Variants in ZBTB38 observed in about 807,000 individuals in gnomAD.
ZBTB38 encodes zinc finger and BTB domain-containing protein 38.
In ZBTB38, 20 loss-of-function variants were observed where a neutral mutation model predicts 76.8. The observed-to-expected ratio is 0.26, with a 90% CI of 0.18 to 0.38. The LOEUF is 0.38. ZBTB38 is among the 10% of genes least tolerant of loss of function. The pLI, the probability that ZBTB38 is intolerant of heterozygous loss-of-function variation, is 1.00. For synonymous variants in ZBTB38, 504 were observed against 544.2 expected (o/e 0.93, Z 1.03); for missense variants, 1,082 against 1,482.3 (o/e 0.73, Z 4.43).
At chr3:141,359,405 C>A (rs923089414) in intron 1 of ZBTB38, among the ~76,000 whole-genome samples, 1 of 152,182 alleles carries the variant, frequency 6.6e-6, no homozygotes, top group African/African-American at 2.4e-5. Context: ...GCGAGGTAGG[C>A]TGAGCATGTG....
Position 141,403,981 on chromosome 3 carries a change from T to A in ZBTB38, c.-51T>A, listed in dbSNP as rs1297904430. On this transcript the variant is annotated 5_prime_UTR_variant, in exon 5 of 6. Transcript: ENST00000321464. The stretch of plus-strand genomic sequence containing the variant: ...GAACCAAGGATTTCCAAGTGATTTC[T>A]TCCAAAGCACAGGAATCTCACTCTG... 1 of 152,176 alleles carries A rather than the reference T, an allele frequency of 6.6e-6. No homozygotes were observed. The highest frequency in any genetic ancestry group is 6.5e-5 in the Admixed American group (1 of 15,278). The allele number at this position is 152,176 out of a possible 1,614,324, so 9.4% of individuals were successfully genotyped here. A position where few individuals can be genotyped will look rare whatever the true frequency, so the allele number is the denominator to read the frequency against.
At chr3:141,404,546 G>C (rs1213750006) in intron 5 of ZBTB38, among the ~76,000 whole-genome samples, 3 of 152,108 alleles carry the variant, frequency 2.0e-5, no homozygotes, top group Non-Finnish European at 4.4e-5. Flanking sequence ...AAATATTGAC[G>C]GCCCAGCACA....
At chr3:141,382,848 G>T (rs6808816) in intron 3 of ZBTB38, among the ~76,000 whole-genome samples, 15 of 152,208 alleles carry the variant, frequency 9.9e-5, no homozygotes, top group African/African-American at 3.4e-4. Context: ...CCTCTACCAG[G>T]TGTCTGCACA....
intron 1 of ZBTB38, among the ~76,000 whole-genome samples, chr3:141,327,713 A>G (rs1942715352): frequency 1.3e-5 from 2 of 152,244 alleles, no homozygotes; most frequent in Non-Finnish European, 2.9e-5. Context: ...TTGGCCTGTT[A>G]GTTGTAAGAA....
At chr3:141,330,093 G>A (rs926289968) in intron 1 of ZBTB38, among the ~76,000 whole-genome samples, 9 of 152,088 alleles carry the variant, frequency 5.9e-5, no homozygotes, top group Admixed American at 5.9e-4. Flanking sequence ...TATTGTGGAA[G>A]AAAGGTGGCA....
intron 4 of ZBTB38, among the ~76,000 whole-genome samples, chr3:141,398,460 T>C (rs1312432822): frequency 6.6e-6 from 1 of 152,246 alleles, no homozygotes; most frequent in Non-Finnish European, 1.5e-5. Flanking sequence ...AAACTATGTA[T>C]CTTCTTGTCT....
chr3:141,345,260 T>C (rs184757338), intron 1 of ZBTB38, among the ~76,000 whole-genome samples: 2 of 151,938 alleles, frequency 1.3e-5, no homozygotes, highest in Admixed American at 6.6e-5. Context: ...TGTTCCCAGA[T>C]GGCAGAACTT....
intron 5 of ZBTB38, among the ~76,000 whole-genome samples, chr3:141,427,008 C>T (rs1052265256): frequency 6.7e-6 from 1 of 149,888 alleles, no homozygotes; most frequent in Admixed American, 6.7e-5. Context: ...TCAGAACAAC[C>T]TTCTTGGCTT....
intron 4 of ZBTB38, among the ~76,000 whole-genome samples, chr3:141,395,451 A>G (rs6807935): frequency 0.32 from 48,292 of 151,990 alleles, 8,345 homozygotes; most frequent in African/African-American, 0.38. Flanking sequence ...GGCTTAGTGC[A>G]GGAGCCAGTC....
chr3:141,417,099 T>C (rs975884566), intron 5 of ZBTB38, among the ~76,000 whole-genome samples: 5 of 152,242 alleles, frequency 3.3e-5, no homozygotes, highest in Non-Finnish European at 1.5e-5. Context: ...TCAGTCAGTC[T>C]GGAGTGGCAC....
chr3:141,395,873 T>C (rs1319583187), intron 4 of ZBTB38, among the ~76,000 whole-genome samples: 2 of 152,228 alleles, frequency 1.3e-5, no homozygotes, highest in African/African-American at 2.4e-5. Context: ...CTATTAAGTG[T>C]GTAGTACCAT....
intron 2 of ZBTB38, among the ~76,000 whole-genome samples, chr3:141,374,243 C>T (rs1013484588): frequency 1.2e-4 from 19 of 152,104 alleles, no homozygotes; most frequent in African/African-American, 3.6e-4. Flanking sequence ...TGACTTTCAT[C>T]TGGGAGCCTT....
chr3:141,326,135 ATAAGT>A (rs1217044886), intron 1 of ZBTB38, among the ~76,000 whole-genome samples: 13 of 152,372 alleles, frequency 8.5e-5, no homozygotes, highest in African/African-American at 2.4e-4. Context: ...AATAATAATG[ATAAGT>A]TAAGACTATT....
chr3:141,400,856 T>G (rs955747564), intron 4 of ZBTB38, among the ~76,000 whole-genome samples: 4 of 152,258 alleles, frequency 2.6e-5, no homozygotes, highest in Non-Finnish European at 5.9e-5. Context: ...TAAAGTGGCC[T>G]TGTAAGCAAC....
rs181374058 is a variant in ZBTB38, at chr3:141,434,144, C to T, written c.1-8245C>T. On this transcript the variant is annotated intron_variant, in intron 5 of 5. Transcript: ENST00000321464. ...ATAAATGTGAACAAATGCATGATAC[C>T]GTACATTGTAATGATGGGAAACCAA... 2.2e-5 allele frequency: 21 copies of T among 965,544 alleles called. No homozygotes were observed. In the Admixed American group the frequency reaches 5.5e-4, roughly 25 times the overall value. The allele number at this position is 965,544 out of a possible 1,614,324, so 59.8% of individuals were successfully genotyped here.
intron 1 of ZBTB38, among the ~76,000 whole-genome samples, chr3:141,354,894 G>T (rs541926135): frequency 6.6e-6 from 1 of 152,202 alleles, no homozygotes; most frequent in African/African-American, 2.4e-5. Flanking sequence ...AAGATGGAGG[G>T]TCTAGGCCTA....
intron 5 of ZBTB38, among the ~76,000 whole-genome samples, chr3:141,437,421 T>C (rs1437908042): frequency 1.3e-5 from 2 of 152,210 alleles, no homozygotes; most frequent in Non-Finnish European, 2.9e-5. Context: ...GTATCTTTGT[T>C]TTGCAGTGTT....
At chr3:141,370,323 G>T (rs554098465) in intron 2 of ZBTB38, among the ~76,000 whole-genome samples, 2 of 152,306 alleles carry the variant, frequency 1.3e-5, no homozygotes, top group Admixed American at 1.3e-4. Flanking sequence ...GTGCACATGG[G>T]AGTTTTTTAT....
intron 2 of ZBTB38, among the ~76,000 whole-genome samples, chr3:141,380,151 C>G (rs758069723): frequency 6.6e-6 from 1 of 152,178 alleles, no homozygotes; most frequent in Non-Finnish European, 1.5e-5. Context: ...GACACTTACT[C>G]TCTTTGAACC....
Sources: allele counts gnomAD v4.1 joint callset (sites outside exome capture counted in the v4.1 genomes callset), GRCh38; gene constraint gnomAD v4.1.1; transcripts MANE v1.5; gene names NCBI Gene and HGNC (gene_info 2026-07-23, HGNC 2026-07-21).